TXLNB: variants seen among roughly 807,000 people sequenced by gnomAD.
TXLNB encodes the protein beta-taxilin.
TXLNB carries 37 observed loss-of-function variants against 57.4 expected under a neutral mutation model. The observed-to-expected ratio is 0.64, with a 90% CI of 0.50 to 0.85. TXLNB has a LOEUF of 0.85. Ranked by LOEUF, TXLNB falls within the 40% of genes least tolerant of loss-of-function variation. TXLNB has a pLI of 0.00. For missense variants in TXLNB, 848 were observed against 825.6 expected, an observed-to-expected ratio of 1.03 and a Z score of -0.33; for synonymous variants, 302 against 309.6, an observed-to-expected ratio of 0.98 and a Z score of 0.26.
rs190748493 is a variant in TXLNB at position 139,253,456 on chromosome 6, C to T, written c.1077+2108G>A. Among the ~76,000 whole-genome samples the T allele has an allele frequency of 9.2e-5, 14 of 152,156 alleles. 1 individual carries two copies. Among genetic ancestry groups the T allele is most frequent in the Middle Eastern group, 3.4e-3 (1 of 294 alleles). ...AGTCATAGGCCTCTCAGGGGTTGCA[C>T]GACTCCAGGCTGGGGTCATTGATTC... On this transcript the variant is annotated intron_variant, in intron 7 of 9. Transcript: ENST00000358430.
At chr6:139,206,573 C>T in the TXLNB span, among the ~76,000 whole-genome samples, 1 of 151,778 alleles carries the variant, frequency 6.6e-6, no homozygotes, top group Non-Finnish European at 1.5e-5. Context: ...GAGGCTGAGG[C>T]AGGAGAATCG....
Position 139,276,838 on chromosome 6 carries a change from C to T in TXLNB, c.508G>A (p.Ala170Thr). 1 of 1,607,044 alleles carries T rather than the reference C, an allele frequency of 6.2e-7. No homozygotes were observed. Among genetic ancestry groups the T allele is most frequent in the Non-Finnish European group, 8.5e-7 (1 of 1,177,538 alleles). Reference sequence around the variant, plus strand: ...CTAATCCAAGATCTTACCAATTCAGCATACTTCTTGAATAAAAAATCAAAC... The same window carrying T: ...CTAATCCAAGATCTTACCAATTCAGTATACTTCTTGAATAAAAAATCAAAC... ...EKFDFLFKKY[A>T]ELLDEHRTEQ... Residue 170 changes from alanine to threonine, a missense_variant, in exon 3 of 10, where the codon GCT (alanine) becomes ACT (threonine). Transcript: ENST00000358430.
At chr6:139,290,147 G>A (rs1777272096) in intron 1 of TXLNB, among the ~76,000 whole-genome samples, 1 of 152,134 alleles carries the variant, frequency 6.6e-6, no homozygotes, top group Non-Finnish European at 1.5e-5. Flanking sequence ...AGCACTTTAG[G>A]AAGCCGAGGC....
chr6:139,167,061 C>T, the TXLNB span: 3 of 1,614,210 alleles, frequency 1.9e-6, no homozygotes, highest in Non-Finnish European at 2.5e-6. Flanking sequence ...CTGGACCTCT[C>T]CGAACTCCTC....
chr6:139,233,553 C>A, the TXLNB span, among the ~76,000 whole-genome samples: 1 of 151,924 alleles, frequency 6.6e-6, no homozygotes, highest in South Asian at 2.1e-4. Context: ...CTCATGAGAT[C>A]TGATGGTTTT....
chr6:139,248,298 C>A (rs1323310036), intron 7 of TXLNB, among the ~76,000 whole-genome samples: 1 of 150,204 alleles, frequency 6.7e-6, no homozygotes, highest in Non-Finnish European at 1.5e-5. Context: ...AAGTTTGAGA[C>A]CATTCTGGCC....
At chr6:139,214,852 A>C in the TXLNB span, among the ~76,000 whole-genome samples, 2 of 152,172 alleles carry the variant, frequency 1.3e-5, no homozygotes, top group Non-Finnish European at 2.9e-5. Flanking sequence ...TAGAGAGCCA[A>C]ATCATGAGTG....
chr6:139,224,937 C>T, the TXLNB span, among the ~76,000 whole-genome samples: 1 of 152,102 alleles, frequency 6.6e-6, no homozygotes, highest in Admixed American at 6.5e-5. Flanking sequence ...TGCAAGAATC[C>T]TAAACAAAAT....
At chr6:139,237,172 T>G (rs908956379), downstream of TXLNB, among the ~76,000 whole-genome samples, 1 of 152,148 alleles carries the variant, frequency 6.6e-6, no homozygotes. Flanking sequence ...ATATAATAGC[T>G]TATAGATTTG....
the TXLNB span, among the ~76,000 whole-genome samples, chr6:139,306,119 A>G: frequency 1.3e-5 from 2 of 152,174 alleles, no homozygotes; most frequent in African/African-American, 4.8e-5. Context: ...AGTATACTCA[A>G]TACAGTGCCT....
chr6:139,218,104 G>A, the TXLNB span, among the ~76,000 whole-genome samples: 1 of 152,022 alleles, frequency 6.6e-6, no homozygotes, highest in Non-Finnish European at 1.5e-5. Context: ...AGTATGGTAG[G>A]GTCCCCTTTA....
chr6:139,165,811 CATGT>C, the TXLNB span, among the ~76,000 whole-genome samples: 811 of 16,896 alleles, frequency 0.048, 8 homozygotes, highest in African/African-American at 0.32. Flanking sequence ...CAGTGTGGGA[CATGT>C]GTGGGACATG....
At chr6:139,248,228 G>A (rs7745319) in intron 7 of TXLNB, among the ~76,000 whole-genome samples, 4 of 150,918 alleles carry the variant, frequency 2.7e-5, no homozygotes, top group East Asian at 2.0e-4. Context: ...AGCCGAGATC[G>A]TGCCACTGTA....
At chr6:139,233,902 T>A in the TXLNB span, among the ~76,000 whole-genome samples, 9 of 152,102 alleles carry the variant, frequency 5.9e-5, no homozygotes, top group African/African-American at 2.2e-4. Flanking sequence ...TGTGGGAAAG[T>A]TTGGAATTCC....
chr6:139,201,674 C>T, the TXLNB span: 1 of 152,208 alleles, frequency 6.6e-6, no homozygotes, highest in African/African-American at 2.4e-5. Flanking sequence ...GTACATTTTA[C>T]CTATTTCCGC....
chr6:139,306,948 C>T, the TXLNB span, among the ~76,000 whole-genome samples: 2 of 152,136 alleles, frequency 1.3e-5, no homozygotes, highest in East Asian at 1.9e-4. Flanking sequence ...TTCTATAATT[C>T]TGTGCTTATG....
At chr6:139,186,014 C>A in the TXLNB span, among the ~76,000 whole-genome samples, 1 of 152,142 alleles carries the variant, frequency 6.6e-6, no homozygotes, top group Non-Finnish European at 1.5e-5. Context: ...TAATTACCTA[C>A]AATCAGCAAG....
chr6:139,298,953 T>C, the TXLNB span, among the ~76,000 whole-genome samples: 14 of 152,226 alleles, frequency 9.2e-5, no homozygotes, highest in Non-Finnish European at 1.5e-4. Flanking sequence ...TGCCATGTGA[T>C]GCCTGCTCCC....
At chr6:139,257,870 T>C (rs1334896335) in intron 6 of TXLNB, among the ~76,000 whole-genome samples, 2 of 152,204 alleles carry the variant, frequency 1.3e-5, no homozygotes, top group Non-Finnish European at 2.9e-5. Flanking sequence ...ATTTGTAAAA[T>C]GGGTTGCATT....
Sources: allele counts gnomAD v4.1 joint callset (sites outside exome capture counted in the v4.1 genomes callset), GRCh38; gene constraint gnomAD v4.1.1; transcripts MANE v1.5; gene names NCBI Gene and HGNC (gene_info 2026-07-23, HGNC 2026-07-21).